Variants in AKNA observed in about 807,000 individuals in gnomAD.
The protein encoded by AKNA is microtubule organization protein AKNA.
A neutral mutation model predicts 138.8 loss-of-function variants in AKNA; 67 were observed. The ratio of observed to expected loss-of-function variants is 0.48; its 90% CI spans 0.40 to 0.59. AKNA has a LOEUF of 0.59. AKNA is among the 20% of genes least tolerant of loss of function. AKNA has a pLI of 0.00. For missense variants in AKNA, 1,813 were observed against 1,880.4 expected (o/e 0.96, Z 0.66); for synonymous variants, 737 against 754.4 (o/e 0.98, Z 0.38).
At chr9:114,357,416 G>A (rs374926781) in intron 12 of AKNA, among the ~76,000 whole-genome samples, 2 of 152,168 alleles carry the variant, frequency 1.3e-5, no homozygotes, top group East Asian at 1.9e-4. Flanking sequence ...TTTAACACAC[G>A]GCACAGAGAA....
chr9:114,373,113 A>G (rs1470985419), intron 4 of AKNA, among the ~76,000 whole-genome samples: 1 of 152,188 alleles, frequency 6.6e-6, no homozygotes, highest in Non-Finnish European at 1.5e-5. Flanking sequence ...AGGGGGAGGC[A>G]CTGGGGCATC....
chr9:114,381,455 G>A lies in AKNA; in HGVS notation c.-113-9C>T. On this transcript the variant is annotated splice_polypyrimidine_tract_variant and intron_variant, in intron 1 of 21. Coordinates refer to ENST00000374088, the MANE Select transcript of AKNA (RefSeq NM_001317950.2). ...GCCATCCTGCCTGTGCCCTGTCAGGGACACATTCAAGAGAGAACATTAATC... is the reference window on the plus strand; with the variant it reads ...GCCATCCTGCCTGTGCCCTGTCAGGAACACATTCAAGAGAGAACATTAATC... 2.1e-6 allele frequency: 3 copies of A among 1,427,810 alleles called. No homozygotes were observed. Among genetic ancestry groups the A allele is most frequent in the Non-Finnish European group, 2.7e-6 (3 of 1,095,160 alleles). The allele number at this position is 1,427,810 out of a possible 1,614,324, so 88.4% of individuals were successfully genotyped here.
At chr9:114,384,027 C>T (rs995887278) in intron 1 of AKNA, among the ~76,000 whole-genome samples, 1 of 152,208 alleles carries the variant, frequency 6.6e-6, no homozygotes, top group Non-Finnish European at 1.5e-5. Flanking sequence ...TCGGCGCCAG[C>T]CTGGGTTGAA....
Position 114,362,421 on chromosome 9 carries a change from C to A in AKNA, c.1901G>T (p.Arg634Ile), listed in dbSNP as rs1832041180. Reference protein sequence around the residue: ...PLAGSKGTPGRFDPRRELEAE... With the variant: ...PLAGSKGTPGIFDPRRELEAE... ...CAGCAGGTACCTGCGAGGATCAAATCTTCCAGGCGTCCCCTTGGAGCCGGC... is the reference window on the plus strand; with the variant it reads ...CAGCAGGTACCTGCGAGGATCAAATATTCCAGGCGTCCCCTTGGAGCCGGC... Residue 634 changes from arginine (R) to isoleucine (I), a missense_variant, in exon 8 of 22, where the codon AGA becomes ATA. By Grantham distance (97) the Arg-to-Ile change is moderately conservative (BLOSUM62 -3). Transcript: ENST00000374088. 1.2e-6 allele frequency: 2 copies of A among 1,611,692 alleles called. No individual in the cohort carries two copies. Among genetic ancestry groups the A allele is most frequent in the East Asian group, 4.5e-5 (2 of 44,796 alleles).
At chr9:114,397,938 G>A (rs1834583627), upstream of AKNA, among the ~76,000 whole-genome samples, 1 of 152,162 alleles carries the variant, frequency 6.6e-6, no homozygotes, top group Non-Finnish European at 1.5e-5. Context: ...AGGCTGCGCG[G>A]ATTGTTGCTG....
intron 6 of AKNA, among the ~76,000 whole-genome samples, chr9:114,365,728 A>C (rs1832298539): frequency 6.6e-6 from 1 of 152,210 alleles, no homozygotes; most frequent in Non-Finnish European, 1.5e-5. Context: ...CAATACTAAA[A>C]AAATAGGGAG....
rs1356531465 is a variant in AKNA, at chr9:114,337,200, G to A, written c.4174C>T (p.Leu1392=). Residue 1392 remains leucine (L), a synonymous_variant, in exon 22 of 22, where the codon CTG becomes TTG. Transcript: ENST00000374088. ...RRHRHSIQLD[L]GDLEELNKAL... Reference sequence around the variant, plus strand: ...TTGTTGAGCTCCTCTAGGTCGCCCAGGTCGAGCTGGATGGAGTGCCGGTGT... The same window carrying A: ...TTGTTGAGCTCCTCTAGGTCGCCCAAGTCGAGCTGGATGGAGTGCCGGTGT... 1.9e-6 allele frequency: 3 copies of A among 1,595,800 alleles called. No homozygotes were observed. Among genetic ancestry groups the A allele is most frequent in the East Asian group, 2.3e-5 (1 of 44,240 alleles).
At position 114,381,293 on chromosome 9, in the gene AKNA, C is replaced by A. The variant is rs1250379813; in HGVS notation, c.41G>T (p.Gly14Val). 2 of 1,609,866 alleles carry A rather than the reference C, an allele frequency of 1.2e-6. No homozygotes were observed. The highest frequency in any genetic ancestry group is 1.3e-5 in the African/African-American group (1 of 74,986). Reference sequence around the variant, plus strand: ...CCGCCGCTGGGGGCCCTTCCCCAGGCCAGGCTCAGCCCAGCGGATCTCAGT... The same window carrying A: ...CCGCCGCTGGGGGCCCTTCCCCAGGACAGGCTCAGCCCAGCGGATCTCAGT... ...SETEIRWAEPGLGKGPQRRRW... is the reference protein window; with the variant it reads ...SETEIRWAEPVLGKGPQRRRW... The change falls in exon 2 of 22, where the codon GGC becomes GTC. Residue 14 changes from glycine to valine, a missense_variant. By Grantham distance (109) the Gly-to-Val change is moderately radical (BLOSUM62 -3). Transcript: ENST00000374088.
intron 9 of AKNA, among the ~76,000 whole-genome samples, chr9:114,360,559 G>A (rs899691853): frequency 6.6e-6 from 1 of 152,142 alleles, no homozygotes; most frequent in Non-Finnish European, 1.5e-5. Flanking sequence ...CAAGTGTGTA[G>A]TGGCACCTGG....
intron 14 of AKNA, among the ~76,000 whole-genome samples, chr9:114,352,117 G>C (rs1831167020): frequency 6.6e-6 from 1 of 152,196 alleles, no homozygotes; most frequent in African/African-American, 2.4e-5. Flanking sequence ...TGAAAGGGTA[G>C]CATGAGGCTC....
At chr9:114,375,313 T>C (rs551310789) in intron 3 of AKNA, among the ~76,000 whole-genome samples, 1 of 152,034 alleles carries the variant, frequency 6.6e-6, no homozygotes, top group Admixed American at 6.5e-5. Context: ...ACGGCAGAAG[T>C]AAGAAGGAGG....
Position 114,343,880 on chromosome 9 carries a change from T to C in AKNA, c.3662-77A>G, listed in dbSNP as rs1830515628. On this transcript the variant is annotated intron_variant, in intron 18 of 21. Coordinates refer to ENST00000374088, the MANE Select transcript of AKNA (RefSeq NM_001317950.2). ...ATAGAGGAAGATTCTGGAATAATGATCTCCTCTTCCTCCAAATGGTTTTAA... is the reference window on the plus strand; with the variant it reads ...ATAGAGGAAGATTCTGGAATAATGACCTCCTCTTCCTCCAAATGGTTTTAA... 3 of 1,293,146 alleles carry C rather than the reference T, an allele frequency of 2.3e-6. No individual in the cohort carries two copies. In the Admixed American group the frequency reaches 6.2e-5, roughly 27 times the overall value. 80.1% of individuals were successfully genotyped at this position (1,293,146 alleles called of 1,614,324 possible). A position where few individuals can be genotyped will look rare whatever the true frequency, so the allele number is the denominator to read the frequency against.
At chr9:114,373,216 C>T (rs574718315) in intron 4 of AKNA, among the ~76,000 whole-genome samples, 6 of 152,288 alleles carry the variant, frequency 3.9e-5, no homozygotes, top group East Asian at 3.9e-4. Context: ...CACGAGGGGC[C>T]GCACAGGTCC....
chr9:114,344,422 C>T (rs1465445738), intron 18 of AKNA: 2 of 153,038 alleles, frequency 1.3e-5, no homozygotes, highest in African/African-American at 4.8e-5. Context: ...CTGTGGCCTC[C>T]TCACCCAGCC....
intron 21 of AKNA, 69 bp from the exon 22 acceptor site, chr9:114,337,375 G>C (rs1371203419): frequency 7.4e-7 from 1 of 1,359,930 alleles, no homozygotes; most frequent in East Asian, 2.7e-5. Flanking sequence ...AGCACCGTGT[G>C]TGGGGTCAAC....
intron 7 of AKNA, 58 bp from the exon 8 acceptor site, chr9:114,362,591 T>G: frequency 6.4e-7 from 1 of 1,570,064 alleles, no homozygotes; most frequent in Non-Finnish European, 8.6e-7. Context: ...GGCCTGTCCC[T>G]GAAGACACAG....
intron 4 of AKNA, among the ~76,000 whole-genome samples, chr9:114,369,595 T>C (rs1272378059): frequency 6.6e-6 from 1 of 152,098 alleles, no homozygotes; most frequent in Admixed American, 6.5e-5. Context: ...AAGTGCTCAA[T>C]AAATAGTGGC....
rs1307548299 is a variant in AKNA, at chr9:114,351,686, C to T, written c.3059-665G>A. Among the ~76,000 whole-genome samples the T allele has an allele frequency of 4.0e-5, 6 of 151,408 alleles. No homozygotes were observed. The South Asian group carries it at 1.2e-3, about 31-fold the overall frequency. ...AAAATTATATATATAAAAAAATTAG[C>T]TGGATGTGGAAGTATGCCCCTTTGG... On this transcript the variant is annotated intron_variant, in intron 14 of 21. Transcript: ENST00000374088.
chr9:114,330,569 CA>C (rs1829834633), downstream of AKNA: 5 of 1,612,946 alleles, frequency 3.1e-6, no homozygotes, highest in Middle Eastern at 3.3e-4. Context: ...CAGAGAGTAC[CA>C]GACCCGGTGA....
Sources: gnomAD v4.1 joint callset for allele counts (sites outside exome capture counted in the v4.1 genomes callset) on GRCh38, gnomAD v4.1.1 for gene constraint, MANE v1.5 for transcripts, NCBI Gene and HGNC (gene_info 2026-07-23, HGNC 2026-07-21) for gene names.